MOB3B: variants seen among roughly 807,000 people sequenced by gnomAD.
MOB3B encodes the protein MOB kinase activator 3B, also known as MOB kinase activator-like 2B.
A neutral mutation model predicts 18.7 loss-of-function variants in MOB3B; 7 were observed. That is an observed-to-expected ratio of 0.37 (90% CI 0.21 to 0.70). MOB3B has a LOEUF of 0.70. MOB3B is among the 30% of genes least tolerant of loss of function. MOB3B has a pLI of 0.52. For missense variants in MOB3B, 253 were observed against 281.3 expected (o/e 0.90, Z 0.72); for synonymous variants, 111 against 99.9 (o/e 1.11, Z -0.66).
At chr9:27,499,293 G>C (rs1365266343) in intron 1 of MOB3B, among the ~76,000 whole-genome samples, 1 of 152,190 alleles carries the variant, frequency 6.6e-6, no homozygotes, top group Admixed American at 6.5e-5. Context: ...AAGCTGGAAT[G>C]CAAGAGTCCT....
intron 1 of MOB3B, among the ~76,000 whole-genome samples, chr9:27,523,975 C>A (rs1820383597): frequency 6.6e-6 from 1 of 151,902 alleles, no homozygotes; most frequent in African/African-American, 2.4e-5. Flanking sequence ...TGAGTGAGTG[C>A]ATGGACTCAC....
chr9:27,453,778 G>A (rs77646564), intron 2 of MOB3B, among the ~76,000 whole-genome samples: 1 of 152,144 alleles, frequency 6.6e-6, no homozygotes, highest in Admixed American at 6.5e-5. Flanking sequence ...AGCACTGGCA[G>A]TTGCTAGTAA....
intron 2 of MOB3B, among the ~76,000 whole-genome samples, chr9:27,380,398 C>T (rs1821559453): frequency 1.3e-5 from 2 of 151,744 alleles, no homozygotes; most frequent in Admixed American, 6.6e-5. Flanking sequence ...GCCATGACAC[C>T]CAGCTAATTT....
Position 27,357,888 on chromosome 9 carries a change from C to CAAAAAAA in MOB3B, c.621+1139_621+1145dup, listed in dbSNP as rs58851638. ...TCAACATAATGAGATCCCATCGCTA[C>CAAAAAAA]AAAAAAAAAAAAAAAAAAAAAAAAA... On this transcript the variant is annotated intron_variant, in intron 3 of 3. Coordinates refer to ENST00000262244, the MANE Select transcript of MOB3B (RefSeq NM_024761.5). Among the ~76,000 whole-genome samples, 39 of 57,962 alleles carry CAAAAAAA rather than the reference C, an allele frequency of 6.7e-4. 2 individuals carry two copies. Among genetic ancestry groups the CAAAAAAA allele is most frequent in the East Asian group, 1.4e-3 (2 of 1,398 alleles). The allele number at this position is 57,962 out of a possible 152,430, so 38.0% of individuals were successfully genotyped here.
intron 2 of MOB3B, among the ~76,000 whole-genome samples, chr9:27,368,381 CACACAT>C (rs972362435): frequency 3.3e-5 from 5 of 151,432 alleles, no homozygotes; most frequent in African/African-American, 1.2e-4. Flanking sequence ...CACACACACA[CACACAT>C]ACAGAGAGGG....
chr9:27,494,653 T>A (rs1819871007), intron 1 of MOB3B, among the ~76,000 whole-genome samples: 2 of 152,196 alleles, frequency 1.3e-5, no homozygotes. Flanking sequence ...TAGCTGGGAC[T>A]ACAGGCACGC....
chr9:27,501,236 C>T lies in MOB3B; in HGVS notation c.-199+28319G>A, dbSNP rs1030771503. Among the ~76,000 whole-genome samples the T allele has an allele frequency of 4.6e-5, 7 of 152,176 alleles. No homozygotes were observed. The East Asian group carries it at 5.8e-4, about 13-fold the overall frequency. ...GAGCTAGAAATACCATTTTACCCAG[C>T]GATCCCATTACTGGGTGTATACCCA... On this transcript the variant is annotated intron_variant, in intron 1 of 3. Coordinates refer to ENST00000262244, the MANE Select transcript of MOB3B (RefSeq NM_024761.5).
intron 1 of MOB3B, among the ~76,000 whole-genome samples, chr9:27,487,431 A>C (rs1819746068): frequency 6.6e-6 from 1 of 152,180 alleles, no homozygotes; most frequent in East Asian, 1.9e-4. Context: ...TCTCCTTATA[A>C]AATTGGGGTT....
chr9:27,378,452 C>T (rs1401507573), intron 2 of MOB3B: 3 of 471,204 alleles, frequency 6.4e-6, no homozygotes, highest in African/African-American at 4.0e-5. Flanking sequence ...AATGATGTGG[C>T]CAGAATGATT....
intron 1 of MOB3B, among the ~76,000 whole-genome samples, chr9:27,518,197 C>A (rs1820267985): frequency 6.6e-6 from 1 of 152,224 alleles, no homozygotes; most frequent in Non-Finnish European, 1.5e-5. Flanking sequence ...ACACTGTCTT[C>A]ATCTCCACAA....
intron 3 of MOB3B, among the ~76,000 whole-genome samples, chr9:27,355,566 T>C (rs1238740268): frequency 1.3e-5 from 2 of 150,658 alleles, no homozygotes; most frequent in African/African-American, 2.4e-5. Flanking sequence ...TTTCTTCTTT[T>C]TTTTTTTTTT....
intron 2 of MOB3B, among the ~76,000 whole-genome samples, chr9:27,439,139 A>T (rs898084029): frequency 6.6e-6 from 1 of 152,186 alleles, no homozygotes; most frequent in African/African-American, 2.4e-5. Context: ...ACCTTACAGC[A>T]ACCTGAAGAC....
In MOB3B at chr9:27,489,741, C is replaced by CTTTTTTTTTTTTTTTTTTTTTTTTTTT. The variant is rs66757462; in HGVS notation, c.-198-33994_-198-33993insAAAAAAAAAAAAAAAAAAAAAAAAAAA. Among the ~76,000 whole-genome samples the CTTTTTTTTTTTTTTTTTTTTTTTTTTT allele has an allele frequency of 6.8e-5, 5 of 73,150 alleles. 1 individual carries two copies. The highest frequency in any genetic ancestry group is 1.8e-4 in the African/African-American group (4 of 22,300). 48.0% of individuals were successfully genotyped at this position (73,150 alleles called of 152,430 possible). ...ACATCACACCAGATAAGGAAATAAT[C>CTTTTTTTTTTTTTTTTTTTTTTTTTTT]TTTTTTTTTTTTTGGTCCAACAGGG... On this transcript the variant is annotated intron_variant, in intron 1 of 3. Coordinates refer to ENST00000262244, the MANE Select transcript of MOB3B (RefSeq NM_024761.5).
intron 2 of MOB3B, among the ~76,000 whole-genome samples, chr9:27,434,464 A>G (rs999546266): frequency 1.7e-4 from 26 of 151,734 alleles, no homozygotes; most frequent in African/African-American, 5.1e-4. Flanking sequence ...GCTTTAACCC[A>G]CAAGTGCTCT....
At chr9:27,349,747 G>A (rs1356639910) in intron 3 of MOB3B, among the ~76,000 whole-genome samples, 1 of 152,218 alleles carries the variant, frequency 6.6e-6, no homozygotes, top group East Asian at 1.9e-4. Context: ...AATCTAGGGA[G>A]AAATGTTGAG....
chr9:27,383,447 A>C (rs1472127327), intron 2 of MOB3B, among the ~76,000 whole-genome samples: 1 of 152,202 alleles, frequency 6.6e-6, no homozygotes, highest in Admixed American at 6.5e-5. Context: ...GAAGTTTGGG[A>C]GTTCAAACTC....
At chr9:27,335,620 G>A (rs1459384984) in intron 3 of MOB3B, among the ~76,000 whole-genome samples, 1 of 152,000 alleles carries the variant, frequency 6.6e-6, no homozygotes, top group Non-Finnish European at 1.5e-5. Context: ...ATCCCCCATC[G>A]GTGGCCGACG....
At chr9:27,462,325 A>G (rs542788945) in intron 1 of MOB3B, among the ~76,000 whole-genome samples, 10 of 150,648 alleles carry the variant, frequency 6.6e-5, no homozygotes, top group African/African-American at 2.4e-4. Context: ...TGGCTTAAAG[A>G]AAGACACGTG....
chr9:27,512,165 C>T (rs1338701084), intron 1 of MOB3B, among the ~76,000 whole-genome samples: 1 of 152,128 alleles, frequency 6.6e-6, no homozygotes, highest in African/African-American at 2.4e-5. Flanking sequence ...TCCCTGACCA[C>T]TGCTTATAAG....
Sources: gnomAD v4.1 joint callset for allele counts (sites outside exome capture counted in the v4.1 genomes callset) on GRCh38, gnomAD v4.1.1 for gene constraint, MANE v1.5 for transcripts, NCBI Gene and HGNC (gene_info 2026-07-23, HGNC 2026-07-21) for gene names.